GRAP2: variants seen among roughly 807,000 people sequenced by gnomAD.
GRAP2 encodes the protein GRB2-related adapter protein 2.
A neutral mutation model predicts 43.5 loss-of-function variants in GRAP2; 31 were observed. The observed-to-expected ratio is 0.71, with a 90% CI of 0.54 to 0.96. GRAP2 has a LOEUF of 0.96. Ranked by LOEUF, GRAP2 falls within the 40% of genes least tolerant of loss-of-function variation. GRAP2 has a pLI of 0.00. For missense variants in GRAP2, 371 were observed against 424.4 expected (o/e 0.87, Z 1.11); for synonymous variants, 156 against 164.8 (o/e 0.95, Z 0.41).
At chr22:39,940,145 C>T (rs1005741168) in intron 1 of GRAP2, among the ~76,000 whole-genome samples, 8 of 152,108 alleles carry the variant, frequency 5.3e-5, no homozygotes, top group Non-Finnish European at 8.8e-5. Context: ...TTAAAGGCTC[C>T]GGAAGATGAG....
chr22:39,939,853 G>A (rs1207696615), intron 1 of GRAP2, among the ~76,000 whole-genome samples: 2 of 152,124 alleles, frequency 1.3e-5, no homozygotes, highest in Non-Finnish European at 2.9e-5. Context: ...AGGTTGCAGT[G>A]AGCTGAGATT....
chr22:39,910,406 T>C (rs898181873), intron 1 of GRAP2, among the ~76,000 whole-genome samples: 1 of 152,222 alleles, frequency 6.6e-6, no homozygotes, highest in South Asian at 2.1e-4. Context: ...TTCTTTTTCT[T>C]TTCTTTTTTT....
chr22:39,906,059 G>C (rs901240920), intron 1 of GRAP2, among the ~76,000 whole-genome samples: 2 of 152,160 alleles, frequency 1.3e-5, no homozygotes, highest in South Asian at 2.1e-4. Context: ...GAACAGAAAA[G>C]AGTAGGAGAA....
intron 1 of GRAP2, among the ~76,000 whole-genome samples, chr22:39,935,207 A>G (rs2066794101): frequency 6.6e-6 from 1 of 152,088 alleles, no homozygotes; most frequent in South Asian, 2.1e-4. Context: ...TCTTTCTTTC[A>G]TTCTTTCTTT....
chr22:39,964,781 C>G, intron 4 of GRAP2: 1 of 413,318 alleles, frequency 2.4e-6, no homozygotes, highest in Non-Finnish European at 4.2e-6. Flanking sequence ...CTAAGTCATT[C>G]CTACCATAAC....
chr22:39,907,967 A>G (rs972047117), intron 1 of GRAP2, among the ~76,000 whole-genome samples: 3 of 152,144 alleles, frequency 2.0e-5, no homozygotes, highest in Admixed American at 2.0e-4. Flanking sequence ...ACTGGTCCAA[A>G]CACAGGATTC....
At chr22:39,900,996 G>A (rs555346899), upstream of GRAP2, 7 of 249,780 alleles carry the variant, frequency 2.8e-5, no homozygotes, top group South Asian at 2.4e-4. Context: ...TTCAACTCTG[G>A]CAGCAAGAAA....
In GRAP2 at chr22:39,971,630, C is replaced by G. The variant is rs1466991760; in HGVS notation, c.*546C>G. The G allele has an allele frequency of 6.5e-6, 1 of 152,696 alleles. No individual in the cohort carries two copies. The highest frequency in any genetic ancestry group is 2.4e-5 in the African/African-American group (1 of 41,480). 9.5% of individuals were successfully genotyped at this position (152,696 alleles called of 1,614,324 possible). ...CAGTGCTGCGGGCAGCCAAGCGAGT[C>G]TGAGCGGGGATGTGAAGGCAGGACG... On this transcript the variant is annotated 3_prime_UTR_variant, in exon 8 of 8. Coordinates refer to ENST00000344138, the MANE Select transcript of GRAP2 (RefSeq NM_004810.4).
intron 1 of GRAP2, chr22:39,926,787 C>T (rs2066705840): frequency 7.1e-6 from 7 of 984,558 alleles, no homozygotes; most frequent in East Asian, 1.1e-4. Flanking sequence ...ACAGCAGGTT[C>T]GCCCAAACAA....
intron 1 of GRAP2, among the ~76,000 whole-genome samples, chr22:39,941,353 C>G (rs560645152): frequency 6.6e-6 from 1 of 152,288 alleles, no homozygotes; most frequent in South Asian, 2.1e-4. Context: ...ATAGGACACT[C>G]AGGAAGTGGC....
rs780922675 is a variant in GRAP2 at position 39,960,070 on chromosome 22, C to T, written c.186C>T (p.Gly62=). ...DIQFPKWFHE[G]LSRHQAENLL... is the part of the protein sequence containing the mutation. ...GCCCCCACAGATGGTTTCACGAAGG[C>T]CTCTCTCGACACCAGGCAGAGAACT... Residue 62 remains glycine (G), a synonymous_variant, in exon 4 of 8, where the codon GGC becomes GGT. Coordinates refer to ENST00000344138, the MANE Select transcript of GRAP2 (RefSeq NM_004810.4). 1 of 1,613,332 alleles carries T rather than the reference C, an allele frequency of 6.2e-7. No homozygotes were observed. The highest frequency in any genetic ancestry group is 1.1e-5 in the South Asian group (1 of 91,066).
chr22:39,902,620 C>T (rs1239367454), intron 1 of GRAP2, among the ~76,000 whole-genome samples: 1 of 152,018 alleles, frequency 6.6e-6, no homozygotes, highest in Non-Finnish European at 1.5e-5. Context: ...TCTTATTCTC[C>T]CCAAATTGTA....
chr22:39,936,602 A>G (rs1234437388), intron 1 of GRAP2, among the ~76,000 whole-genome samples: 3 of 152,200 alleles, frequency 2.0e-5, no homozygotes, highest in Non-Finnish European at 4.4e-5. Flanking sequence ...AAGAACTTGG[A>G]AAAAGCAGAA....
At chr22:39,909,602 G>A (rs926866417) in intron 1 of GRAP2, among the ~76,000 whole-genome samples, 10 of 152,236 alleles carry the variant, frequency 6.6e-5, no homozygotes, top group East Asian at 1.9e-4. Context: ...GTATGCAGAC[G>A]TACTGAGAAC....
At chr22:39,956,570 G>A (rs2145656181) in intron 3 of GRAP2, among the ~76,000 whole-genome samples, 2 of 151,966 alleles carry the variant, frequency 1.3e-5, no homozygotes, top group South Asian at 4.1e-4. Context: ...TCGGCTCATT[G>A]CAATTCTCCT....
In GRAP2 at chr22:39,947,182, A is replaced by G; in HGVS notation, c.76A>G (p.Lys26Glu). The G allele has an allele frequency of 6.4e-7, 1 of 1,567,542 alleles. No individual in the cohort carries two copies. Among genetic ancestry groups the G allele is most frequent in the Non-Finnish European group, 8.8e-7 (1 of 1,137,632 alleles). Residue 26 changes from lysine (K) to glutamate (E), a missense_variant and splice_region_variant, in exon 2 of 8, where the codon AAG (lysine) becomes GAG (glutamate). Transcript: ENST00000344138. ...GAGCTTTCACACTGGAGATGTTTTG[A>G]AGGTAGGTGACCTGGGGCCCCAGGG... ...ELSFHTGDVL[K>E]ILSNQEEWFK...
intron 1 of GRAP2, among the ~76,000 whole-genome samples, chr22:39,946,402 G>C (rs986516349): frequency 2.6e-4 from 39 of 152,232 alleles, no homozygotes; most frequent in African/African-American, 9.4e-4. Flanking sequence ...CTTTACATGG[G>C]TCTCATGCAT....
intron 1 of GRAP2, among the ~76,000 whole-genome samples, chr22:39,924,772 G>A (rs1225827127): frequency 6.6e-6 from 1 of 152,192 alleles, no homozygotes; most frequent in Non-Finnish European, 1.5e-5. Context: ...AGGACAATGT[G>A]CTAAGTCCAT....
Position 39,972,042 on chromosome 22 carries a change from CCTGA to C in GRAP2, c.*961_*964del, listed in dbSNP as rs1387307556. 1 of 152,238 alleles carries C rather than the reference CCTGA, an allele frequency of 6.6e-6. No homozygotes were observed. The highest frequency in any genetic ancestry group is 1.5e-5 in the Non-Finnish European group (1 of 68,054). 9.4% of individuals were successfully genotyped at this position (152,238 alleles called of 1,614,324 possible). On this transcript the variant is annotated 3_prime_UTR_variant, in exon 8 of 8. Transcript: ENST00000344138. ...AAAGAAGCCCACTTGATGATAGGAG[CCTGA>C]CTATGAATTGATTGACTAAACATGA...
Sources: allele counts gnomAD v4.1 joint callset (sites outside exome capture counted in the v4.1 genomes callset), GRCh38; gene constraint gnomAD v4.1.1; transcripts MANE v1.5; gene names NCBI Gene and HGNC (gene_info 2026-07-23, HGNC 2026-07-21).